Variants in RPL15 observed in about 807,000 individuals in gnomAD.
The protein encoded by RPL15 is large ribosomal subunit protein eL15.
For missense variants in RPL15, 161 were observed against 271.8 expected, an observed-to-expected ratio of 0.59 and a Z score of 2.87; for synonymous variants, 97 against 95.1, an observed-to-expected ratio of 1.02 and a Z score of -0.12.
chr3:23,923,898 T>C (rs1559514356), downstream of RPL15: 1 of 152,232 alleles, frequency 6.6e-6, no homozygotes, highest in Admixed American at 6.5e-5. Flanking sequence ...ACTTTTATTT[T>C]GCATTCTGAG....
In RPL15 at chr3:23,919,592, T is replaced by G; in HGVS notation, c.*91T>G. 1 of 1,425,356 alleles carries G rather than the reference T, an allele frequency of 7.0e-7. No homozygotes were observed. Among genetic ancestry groups the G allele is most frequent in the South Asian group, 1.6e-5 (1 of 64,008 alleles). The allele number at this position is 1,425,356 out of a possible 1,614,324, so 88.3% of individuals were successfully genotyped here. ...TGTTATTTGTCTGTTAAAACTAGTC[T>G]GCAGATGTTTCTTGAATGCTTTGTC... On this transcript the variant is annotated 3_prime_UTR_variant, in exon 4 of 4. Coordinates refer to ENST00000307839, the MANE Select transcript of RPL15 (RefSeq NM_002948.5).
intron 3 of RPL15, 104 bp from the exon 4 acceptor site, chr3:23,919,092 G>T (rs1466082030): frequency 4.0e-6 from 3 of 752,304 alleles, no homozygotes; most frequent in Non-Finnish European, 6.8e-6. Flanking sequence ...AGTAGTAAAA[G>T]ACTCTTGTCT....
chr3:23,918,295 G>C (rs1472706062), intron 2 of RPL15, 145 bp from the exon 3 acceptor site: 2 of 1,039,824 alleles, frequency 1.9e-6, no homozygotes, highest in African/African-American at 1.6e-5. Flanking sequence ...CATTGAAAAA[G>C]ACTGGGATGT....
chr3:23,918,174 C>A, intron 2 of RPL15, 143 bp downstream of exon 2: 3 of 1,066,462 alleles, frequency 2.8e-6, no homozygotes, highest in Non-Finnish European at 4.0e-6. Flanking sequence ...TGGTCAGTTA[C>A]TGTATGCACT....
In RPL15 at chr3:23,919,532, A is replaced by G. The variant is rs777130036; in HGVS notation, c.*31A>G. The G allele has an allele frequency of 4.0e-6, 6 of 1,512,702 alleles. No individual in the cohort carries two copies. Among genetic ancestry groups the G allele is most frequent in the Non-Finnish European group, 8.8e-7 (1 of 1,134,318 alleles). 93.7% of individuals were successfully genotyped at this position (1,512,702 alleles called of 1,614,324 possible). A position where few individuals can be genotyped will look rare whatever the true frequency, so the allele number is the denominator to read the frequency against. On this transcript the variant is annotated 3_prime_UTR_variant, in exon 4 of 4. Coordinates refer to ENST00000307839, the MANE Select transcript of RPL15 (RefSeq NM_002948.5). ...GTAAAGTTTGTAAAATTCATACTTA[A>G]TAAACAATTTAGGACAGTCATGTCT...
intron 2 of RPL15, 141 bp from the exon 3 acceptor site, chr3:23,918,297 CTG>C: frequency 9.6e-7 from 1 of 1,040,438 alleles, no homozygotes; most frequent in Non-Finnish European, 1.4e-6. Flanking sequence ...TTGAAAAAGA[CTG>C]GGATGTGTTT....
intron 2 of RPL15, 78 bp downstream of exon 2, chr3:23,918,109 GCTGC>G: frequency 6.6e-7 from 1 of 1,516,202 alleles, no homozygotes. Flanking sequence ...GGAAGACACT[GCTGC>G]CTCAGTGTCT....
At chr3:23,918,303 T>G in intron 2 of RPL15, 137 bp from the exon 3 acceptor site, 4 of 1,045,326 alleles carry the variant, frequency 3.8e-6, no homozygotes, top group Middle Eastern at 3.3e-4. Context: ...AAGACTGGGA[T>G]GTGTTTTATT....
intron 2 of RPL15, 65 bp from the exon 3 acceptor site, chr3:23,918,375 G>A (rs1704814387): frequency 1.3e-6 from 2 of 1,543,270 alleles, no homozygotes; most frequent in Non-Finnish European, 1.8e-6. Flanking sequence ...TTAGTGACAA[G>A]CCATTGAGTC....
chr3:23,918,952 C>A (rs1559511841), intron 3 of RPL15: 4 of 555,272 alleles, frequency 7.2e-6, no homozygotes, highest in Non-Finnish European at 3.2e-6. Context: ...TTAACATATT[C>A]CTGCCCTAGT....
At chr3:23,923,988 C>G (rs890126437), downstream of RPL15, 2 of 152,140 alleles carry the variant, frequency 1.3e-5, no homozygotes, top group Non-Finnish European at 2.9e-5. Flanking sequence ...GTTTTCCTGG[C>G]CTCTCATGCA....
chr3:23,922,738 G>A (rs893939537), downstream of RPL15: 1 of 152,176 alleles, frequency 6.6e-6, no homozygotes, highest in African/African-American at 2.4e-5. The surrounding 1 kb of genome is among the most constrained non-coding windows in gnomAD (Gnocchi z 4.2). Context: ...CAAAAGATAA[G>A]TATAGGCTCT....
intron 1 of RPL15, 27 bp from the exon 2 acceptor site, chr3:23,917,823 T>C: frequency 3.8e-6 from 6 of 1,587,194 alleles, no homozygotes; most frequent in Non-Finnish European, 5.1e-6. Flanking sequence ...AAGCGGATGA[T>C]ATTTAATACA....
chr3:23,917,639 G>A (rs1704710456), intron 1 of RPL15: 2 of 517,254 alleles, frequency 3.9e-6, no homozygotes, highest in South Asian at 5.1e-5. Context: ...AACGTGCCGA[G>A]CACCGCTCTG....
At chr3:23,923,697 T>G (rs1705156142), downstream of RPL15, 1 of 152,252 alleles carries the variant, frequency 6.6e-6, no homozygotes, top group Non-Finnish European at 1.5e-5. Context: ...AGAAGTAGAA[T>G]GGCAGAGTTA....
intron 3 of RPL15, 44 bp from the exon 4 acceptor site, chr3:23,919,152 A>G (rs1222605520): frequency 8.9e-6 from 12 of 1,347,756 alleles, no homozygotes; most frequent in Non-Finnish European, 2.1e-6. Context: ...TTGCTGCTAT[A>G]GGCAATGTGG....
rs35054246 is a variant in RPL15, at chr3:23,918,589, G to C, written c.309+13G>C. 0.044 allele frequency: 70,729 copies of C among 1,612,252 alleles called. 2,843 individuals carry two copies. Among genetic ancestry groups the C allele is most frequent in the East Asian group, 0.26 (11,603 of 44,850 alleles). On this transcript the variant is annotated intron_variant, in intron 3 of 3. Coordinates refer to ENST00000307839, the MANE Select transcript of RPL15 (RefSeq NM_002948.5). ...GTCCGTTGCAGAGGTAAATGGTTTTGAGTAGCAGTTATATTGAATACTGCC... is the reference window on the plus strand; with the variant it reads ...GTCCGTTGCAGAGGTAAATGGTTTTCAGTAGCAGTTATATTGAATACTGCC...
rs1448662546 is a variant in RPL15 at position 23,918,403 on chromosome 3, C to T, written c.173-37C>T. The T allele has an allele frequency of 2.5e-6, 4 of 1,604,434 alleles. No individual in the cohort carries two copies. In the African/African-American group the frequency reaches 5.4e-5, roughly 22 times the overall value. Reference sequence around the variant, plus strand: ...ATTGAGTCTTAAGCCTTACGGCTTCCTATAAAATCACTAATTTCGTGTGTG... The same window carrying T: ...ATTGAGTCTTAAGCCTTACGGCTTCTTATAAAATCACTAATTTCGTGTGTG... On this transcript the variant is annotated intron_variant, in intron 2 of 3. Coordinates refer to ENST00000307839, the MANE Select transcript of RPL15 (RefSeq NM_002948.5).
In RPL15 at chr3:23,917,934, C is replaced by G. The variant is rs35629664; in HGVS notation, c.75C>G (p.Val25=). 10,209 of 1,613,670 alleles carry G rather than the reference C, an allele frequency of 6.3e-3. 47 individuals carry two copies. Among genetic ancestry groups the G allele is most frequent in the Middle Eastern group, 0.017 (102 of 5,976 alleles). The stretch of plus-strand genomic sequence containing the variant: ...ATGTCATGCGCTTTCTTCTGAGGGT[C>G]CGCTGCTGGCAGTACCGCCAGCTCT... ...QSDVMRFLLR[V]RCWQYRQLSA... The change falls in exon 2 of 4, where the codon GTC becomes GTG. Residue 25 remains valine (V), a synonymous_variant. Coordinates refer to ENST00000307839, the MANE Select transcript of RPL15 (RefSeq NM_002948.5).
Sources: gnomAD v4.1 joint callset for allele counts on GRCh38, gnomAD v4.1.1 for gene constraint, Gnocchi (gnomAD v3.1) non-coding constraint, MANE v1.5 for transcripts, NCBI Gene and HGNC (gene_info 2026-07-23, HGNC 2026-07-21) for gene names.